ANOS1: variants seen among roughly 807,000 people sequenced by gnomAD.
The protein encoded by ANOS1 is anosmin-1.
In ANOS1, 6 loss-of-function variants were observed where a neutral mutation model predicts 59.0. The ratio of observed to expected loss-of-function variants is 0.10; its 90% CI spans 0.06 to 0.20. The LOEUF is 0.20. Ranked by LOEUF, ANOS1 falls within the 10% of genes least tolerant of loss-of-function variation. The pLI is 1.00. For synonymous variants in ANOS1, 217 were observed against 223.4 expected, an observed-to-expected ratio of 0.97 and a Z score of 0.25; for missense variants, 433 against 542.3, an observed-to-expected ratio of 0.80 and a Z score of 2.00.
intron 3 of ANOS1, among the ~76,000 whole-genome samples, chrX:8,609,770 G>T (rs1931009872): frequency 9.1e-6 from 1 of 110,277 alleles, no homozygotes; most frequent in Non-Finnish European, 1.9e-5. Flanking sequence ...CACTTTGGGA[G>T]GCCAAGGCAG....
At chrX:8,637,244 C>T (rs971075559) in intron 2 of ANOS1, among the ~76,000 whole-genome samples, 1 of 112,109 alleles carries the variant, frequency 8.9e-6, no homozygotes, top group Admixed American at 9.5e-5. Context: ...CTCCTTCATA[C>T]TGTGGGCAAT....
At chrX:8,548,561 C>T (rs1332129953) in intron 9 of ANOS1, among the ~76,000 whole-genome samples, 1 of 111,837 alleles carries the variant, frequency 8.9e-6, no homozygotes, top group African/African-American at 3.2e-5. Context: ...GCATGGTCTA[C>T]AAAAAAATCC....
At chrX:8,543,395 C>G (rs1383632568) in intron 9 of ANOS1, among the ~76,000 whole-genome samples, 1 of 108,158 alleles carries the variant, frequency 9.2e-6, no homozygotes, top group Non-Finnish European at 1.9e-5. Flanking sequence ...TGCCCACACT[C>G]ATTTATGTGA....
At chrX:8,566,547 T>A (rs1415743400) in intron 8 of ANOS1, among the ~76,000 whole-genome samples, 1 of 111,594 alleles carries the variant, frequency 9.0e-6, no homozygotes, top group Non-Finnish European at 1.9e-5. Context: ...ATATATAATA[T>A]AGTATTCCTG....
intron 6 of ANOS1, among the ~76,000 whole-genome samples, chrX:8,584,081 A>G (rs1231840890): frequency 8.9e-6 from 1 of 111,767 alleles, no homozygotes; most frequent in African/African-American, 3.3e-5. Flanking sequence ...GCTGAGAACC[A>G]CTTCTGTCTG....
intron 2 of ANOS1, among the ~76,000 whole-genome samples, chrX:8,695,702 A>G (rs1022564750): frequency 4.6e-5 from 5 of 109,236 alleles, no homozygotes; most frequent in Non-Finnish European, 9.5e-5. Context: ...AAGGGTGGAA[A>G]AAAAAAAAAA....
At chrX:8,597,354 A>G in intron 3 of ANOS1, 98 bp from the exon 4 acceptor site, 1 of 735,576 alleles carries the variant, frequency 1.4e-6, no homozygotes. Flanking sequence ...TTCCCCACCA[A>G]ACCTTTGTTT....
At chrX:8,605,657 A>C (rs1199370577) in intron 3 of ANOS1, among the ~76,000 whole-genome samples, 11 of 108,509 alleles carry the variant, frequency 1.0e-4, no homozygotes, top group Admixed American at 1.0e-3. Flanking sequence ...AAAAAAAAAA[A>C]AAAAAAGGAA....
chrX:8,591,827 T>G (rs1930626674), intron 4 of ANOS1, among the ~76,000 whole-genome samples: 1 of 112,520 alleles, frequency 8.9e-6, no homozygotes, highest in Admixed American at 9.4e-5. Flanking sequence ...ACCAGATGTA[T>G]AGACTGGATC....
chrX:8,595,842 G>A (rs766816595), intron 4 of ANOS1, among the ~76,000 whole-genome samples: 1 of 111,342 alleles, frequency 9.0e-6, no homozygotes, highest in African/African-American at 3.3e-5. Context: ...GAGGTAAGTG[G>A]TGGGTGAGTG....
intron 6 of ANOS1, among the ~76,000 whole-genome samples, chrX:8,576,972 A>G (rs1477486868): frequency 9.1e-6 from 1 of 110,370 alleles, no homozygotes; most frequent in African/African-American, 3.4e-5. Context: ...CTCCGTTACA[A>G]TCACTCAACT....
At chrX:8,599,900 G>A (rs1215008727) in intron 3 of ANOS1, among the ~76,000 whole-genome samples, 1 of 112,075 alleles carries the variant, frequency 8.9e-6, no homozygotes, top group African/African-American at 3.2e-5. Context: ...AGTCTCTAGT[G>A]GGAGGTGGAA....
At chrX:8,633,256 A>C (rs188183188) in intron 2 of ANOS1, among the ~76,000 whole-genome samples, 192 of 111,755 alleles carry the variant, frequency 1.7e-3, no homozygotes, top group African/African-American at 6.0e-3. Flanking sequence ...CTCACTGCGA[A>C]ACTTATCAGG....
At chrX:8,574,251 C>A (rs930681374) in intron 6 of ANOS1, among the ~76,000 whole-genome samples, 11 of 107,795 alleles carry the variant, frequency 1.0e-4, no homozygotes, top group African/African-American at 3.7e-4. Flanking sequence ...TCCTTTCCTG[C>A]TGCAGGTGGT....
At chrX:8,556,430 C>A (rs1289129148) in intron 8 of ANOS1, among the ~76,000 whole-genome samples, 2 of 111,948 alleles carry the variant, frequency 1.8e-5, no homozygotes, top group African/African-American at 6.5e-5. Flanking sequence ...ATTTAGAAAA[C>A]CCTATCATCT....
rs761973508 is a variant in ANOS1 at position 8,725,681 on chromosome X, GAT to G, written c.207+6147_207+6148del. ...ATATATATACAGATATATATATACAGATATATATATATACAGATATATATATA... is the reference window on the plus strand; with the variant it reads ...ATATATATACAGATATATATATACAGATATATATATACAGATATATATATA... On this transcript the variant is annotated intron_variant, in intron 1 of 13. Transcript: ENST00000262648. Among the ~76,000 whole-genome samples, 432 of 62,094 alleles carry G rather than the reference GAT, an allele frequency of 7.0e-3. 29 individuals are homozygous for G. Among genetic ancestry groups the G allele is most frequent in the Non-Finnish European group, 8.0e-3 (284 of 35,461 alleles). The allele number at this position is 62,094 out of a possible 115,157, so 53.9% of individuals were successfully genotyped here.
intron 4 of ANOS1, among the ~76,000 whole-genome samples, chrX:8,594,693 T>C (rs868100878): frequency 2.6e-4 from 15 of 58,705 alleles, no homozygotes; most frequent in African/African-American, 7.8e-4. Context: ...TATATATATA[T>C]ATATACACAT....
At chrX:8,612,698 C>T (rs763553897) in intron 3 of ANOS1, among the ~76,000 whole-genome samples, 58 of 108,388 alleles carry the variant, frequency 5.4e-4, no homozygotes, top group Admixed American at 3.1e-3. Flanking sequence ...AAAATGCTAA[C>T]GATAAAGGTG....
intron 2 of ANOS1, among the ~76,000 whole-genome samples, chrX:8,681,333 C>T (rs1279080542): frequency 8.9e-6 from 1 of 112,036 alleles, no homozygotes; most frequent in Non-Finnish European, 1.9e-5. Context: ...TTTTCCATTG[C>T]TATACTAGTG....
Sources: gnomAD v4.1 joint callset for allele counts (sites outside exome capture counted in the v4.1 genomes callset) on GRCh38, gnomAD v4.1.1 for gene constraint, MANE v1.5 for transcripts, NCBI Gene and HGNC (gene_info 2026-07-23, HGNC 2026-07-21) for gene names.